The following CEP104 variants were observed in gnomAD, a reference collection of about 807,000 sequenced individuals.
CEP104 encodes the protein centrosomal protein 104.
A neutral mutation model predicts 113.3 loss-of-function variants in CEP104; 84 were observed. The ratio of observed to expected loss-of-function variants is 0.74; its 90% CI spans 0.62 to 0.89. The LOEUF is 0.89. CEP104 is among the 40% of genes least tolerant of loss of function. The pLI, the probability that CEP104 is intolerant of heterozygous loss-of-function variation, is 0.00. For missense variants in CEP104, 1,053 were observed against 1,156.6 expected (o/e 0.91, Z 1.30); for synonymous variants, 378 against 421.7 (o/e 0.90, Z 1.27).
chr1:3,839,838 A>T (rs1644382548), intron 6 of CEP104, 62 bp from the exon 7 acceptor site: 16 of 1,386,288 alleles, frequency 1.2e-5, no homozygotes, highest in South Asian at 1.1e-4. Context: ...AGTGCTGAAG[A>T]TGCACGGTTG....
intron 15 of CEP104, among the ~76,000 whole-genome samples, chr1:3,828,496 C>T (rs1371353956): frequency 1.3e-5 from 2 of 152,170 alleles, no homozygotes; most frequent in Admixed American, 6.5e-5. Flanking sequence ...CCCATTCGTA[C>T]CCATTTCTTC....
At chr1:3,842,978 G>A in intron 6 of CEP104, 1 of 380,270 alleles carries the variant, frequency 2.6e-6, no homozygotes, top group Non-Finnish European at 4.8e-6. Context: ...ATTAGAGAAG[G>A]AGTTTTACCA....
rs780511529 is a variant in CEP104 at position 3,823,612 on chromosome 1, C to T, written c.2365-50G>A. 6 of 1,611,932 alleles carry T rather than the reference C, an allele frequency of 3.7e-6. No individual in the cohort carries two copies. The highest frequency in any genetic ancestry group is 2.7e-5 in the African/African-American group (2 of 74,936). Reference sequence around the variant, plus strand: ...GCATGTTGCTGAGAAAGCGGCAGCGCCCTCCAGCCAGCCTGCAGAGCCTGT... The same window carrying T: ...GCATGTTGCTGAGAAAGCGGCAGCGTCCTCCAGCCAGCCTGCAGAGCCTGT... On this transcript the variant is annotated intron_variant, in intron 18 of 21. Transcript: ENST00000378230. The surrounding 1 kb of genome is among the most constrained non-coding windows in gnomAD (Gnocchi z 4.1).
rs183200525 is a variant in CEP104, at chr1:3,847,393, G to T, written c.426+82C>A. 3.4e-4 allele frequency: 440 copies of T among 1,283,876 alleles called. 1 individual carries two copies. The African/African-American group carries it at 6.1e-3, about 18-fold the overall frequency. The allele number at this position is 1,283,876 out of a possible 1,614,324, so 79.5% of individuals were successfully genotyped here. A position where few individuals can be genotyped will look rare whatever the true frequency, so the allele number is the denominator to read the frequency against. ...TCTCTTATAAGATCACCTTGAAAAT[G>T]CATCTAAGAAAAGATACGTGACCAC... On this transcript the variant is annotated intron_variant, in intron 4 of 21. Transcript: ENST00000378230.
chr1:3,838,842 C>T (rs1043070863), intron 8 of CEP104, 122 bp downstream of exon 8: 1 of 1,062,090 alleles, frequency 9.4e-7, no homozygotes, highest in African/African-American at 1.6e-5. Context: ...ATAACTGTCC[C>T]CTGAGCACTG....
At chr1:3,851,888 A>G (rs1223939007) in intron 2 of CEP104, among the ~76,000 whole-genome samples, 1 of 152,196 alleles carries the variant, frequency 6.6e-6, no homozygotes, top group East Asian at 1.9e-4. Flanking sequence ...GCTTGGTGTC[A>G]TATAAAAACA....
At chr1:3,847,374 A>G in intron 4 of CEP104, 101 bp downstream of exon 4, 1 of 1,178,896 alleles carries the variant, frequency 8.5e-7, no homozygotes, top group South Asian at 1.5e-5. Context: ...ATCCTCTCTT[A>G]TAAGATCACC....
chr1:3,816,498 A>G (rs1297881905), intron 20 of CEP104, 128 bp from the exon 21 acceptor site: 1 of 661,530 alleles, frequency 1.5e-6, no homozygotes, highest in Admixed American at 2.8e-5. Context: ...CCGCAGAAGA[A>G]CGGCTCCCTC....
At position 3,837,310 on chromosome 1, in the gene CEP104, A is replaced by C. The variant is rs541103123; in HGVS notation, c.1101T>G (p.Asp367Glu). Reference protein sequence around the residue: ...SAVDPLLPATDPHPKINAESL... With the variant: ...SAVDPLLPATEPHPKINAESL... ...TACCTACATTGATCTTTGGATGAGG[A>C]TCTGTGGCAGGGAGTAACGGGTCTA... Residue 367 changes from aspartate (D) to glutamate (E), a missense_variant, in exon 9 of 22, where the codon GAT becomes GAG. Physicochemically the swap from Asp to Glu is conservative, Grantham distance 45. Coordinates refer to ENST00000378230, the MANE Select transcript of CEP104 (RefSeq NM_014704.4). The C allele has an allele frequency of 1.7e-5, 27 of 1,612,432 alleles. No homozygotes were observed. In the East Asian group the frequency reaches 5.8e-4, roughly 35 times the overall value.
Position 3,836,658 on chromosome 1 carries a change from G to A in CEP104, c.1154C>T (p.Pro385Leu), listed in dbSNP as rs755536798. The change falls in exon 10 of 22, where the codon CCA becomes CTA. Residue 385 changes from proline to leucine, a missense_variant. Coordinates refer to ENST00000378230, the MANE Select transcript of CEP104 (RefSeq NM_014704.4). ...CTCCCCATAATGCTTACGAATAGCT[G>A]GAAGAGGCCGCTCATCGTAGGGCAG... ...ESLPYDERPL[P>L]AIRKHYGEAV... 6.2e-7 allele frequency: 1 copy of A among 1,613,664 alleles called. No individual in the cohort carries two copies. Among genetic ancestry groups the A allele is most frequent in the Non-Finnish European group, 8.5e-7 (1 of 1,179,984 alleles).
At chr1:3,840,844 T>A (rs569051850) in intron 6 of CEP104, among the ~76,000 whole-genome samples, 1 of 152,314 alleles carries the variant, frequency 6.6e-6, no homozygotes, top group South Asian at 2.1e-4. Flanking sequence ...CCAGCCAGCA[T>A]CACAGTATTT....
chr1:3,848,624 G>C lies in CEP104; in HGVS notation c.271C>G (p.Arg91Gly). The change falls in exon 3 of 22, where the codon CGG becomes GGG. Residue 91 changes from arginine to glycine, a missense_variant. Physicochemically the swap from Arg to Gly is moderately radical, Grantham distance 125 (BLOSUM62 -2). Coordinates refer to ENST00000378230, the MANE Select transcript of CEP104 (RefSeq NM_014704.4). Reference sequence around the variant, plus strand: ...CATTCTTACCCAAGTCTTCGAAACCGCTCTGCTTGATAGGGTGCAAAATAT... The same window carrying C: ...CATTCTTACCCAAGTCTTCGAAACCCCTCTGCTTGATAGGGTGCAAAATAT... Reference protein sequence around the residue: ...PEYFAPYQAERFRRLGYVSLC... With the variant: ...PEYFAPYQAEGFRRLGYVSLC... 6.2e-7 allele frequency: 1 copy of C among 1,610,554 alleles called. No homozygotes were observed. The highest frequency in any genetic ancestry group is 8.5e-7 in the Non-Finnish European group (1 of 1,178,872).
At position 3,830,127 on chromosome 1, in the gene CEP104, C is replaced by G; in HGVS notation, c.1837-130G>C. The G allele has an allele frequency of 1.5e-5, 10 of 672,924 alleles. No individual in the cohort carries two copies. The South Asian group carries it at 1.9e-4, about 13-fold the overall frequency. The allele number at this position is 672,924 out of a possible 1,614,324, so 41.7% of individuals were successfully genotyped here. On this transcript the variant is annotated intron_variant, in intron 13 of 21. Coordinates refer to ENST00000378230, the MANE Select transcript of CEP104 (RefSeq NM_014704.4). ...CATCCGTATTAAGTATTATGAAATA[C>G]TTCAAACATAAAACCTCACGGATCT... is the stretch of plus-strand genomic sequence containing the variant.
At chr1:3,854,870 ATTTTTT>A (rs36065862) in intron 1 of CEP104, among the ~76,000 whole-genome samples, 3 of 122,978 alleles carry the variant, frequency 2.4e-5, no homozygotes, top group African/African-American at 9.5e-5. Context: ...CAGTCTCCAA[ATTTTTT>A]TTTTTTTTTT....
intron 4 of CEP104, among the ~76,000 whole-genome samples, chr1:3,845,765 T>C (rs1557688432): frequency 6.6e-6 from 1 of 152,200 alleles, no homozygotes; most frequent in Non-Finnish European, 1.5e-5. Flanking sequence ...ATTATGTTAG[T>C]ATTCTAATGC....
intron 1 of CEP104, 81 bp from the exon 2 acceptor site, chr1:3,852,502 T>C: frequency 7.9e-7 from 1 of 1,259,842 alleles, no homozygotes; most frequent in South Asian, 1.5e-5. Flanking sequence ...GGTTCATGCC[T>C]TGCTAACACA....
intron 20 of CEP104, among the ~76,000 whole-genome samples, chr1:3,820,892 G>A (rs376007127): frequency 7.5e-4 from 114 of 152,320 alleles, no homozygotes; most frequent in Non-Finnish European, 8.4e-4. Flanking sequence ...TGTCTCCTGG[G>A]CCTTTGGAAA....
intron 1 of CEP104, among the ~76,000 whole-genome samples, chr1:3,854,051 T>G (rs1570864231): frequency 6.6e-6 from 1 of 152,188 alleles, no homozygotes; most frequent in South Asian, 2.1e-4. Context: ...TGGCTCCCAC[T>G]CCTTCGTGAC....
At chr1:3,828,972 C>T (rs1644146487) in intron 15 of CEP104, among the ~76,000 whole-genome samples, 1 of 152,168 alleles carries the variant, frequency 6.6e-6, no homozygotes, top group Non-Finnish European at 1.5e-5. Flanking sequence ...GGCTGGAGAG[C>T]TGTGGAGGAG....
Sources: allele counts gnomAD v4.1 joint callset (sites outside exome capture counted in the v4.1 genomes callset), GRCh38; gene constraint gnomAD v4.1.1; non-coding constraint Gnocchi (gnomAD v3.1); transcripts MANE v1.5; gene names NCBI Gene and HGNC (gene_info 2026-07-23, HGNC 2026-07-21).